The following NEBL variants were observed in gnomAD, a reference collection of about 807,000 sequenced individuals.
NEBL encodes nebulette.
Under a neutral mutation model 140.2 loss-of-function variants are expected in NEBL, and 122 were observed. The ratio of observed to expected loss-of-function variants is 0.87; its 90% CI spans 0.75 to 1.01. The LOEUF (loss-of-function observed/expected upper bound fraction) is 1.01. NEBL is among the 50% of genes least tolerant of loss of function. The pLI is 0.00. For synonymous variants in NEBL, 436 were observed against 398.9 expected, an observed-to-expected ratio of 1.09 and a Z score of -1.11; for missense variants, 1,365 against 1,231.3, an observed-to-expected ratio of 1.11 and a Z score of -1.62.
At chr10:21,267,483 C>T (rs1439155426) in intron 1 of NEBL, among the ~76,000 whole-genome samples, 1 of 152,306 alleles carries the variant, frequency 6.6e-6, no homozygotes, top group East Asian at 1.9e-4. Flanking sequence ...TTCTTCCCAC[C>T]CTCGTTGTGG....
intron 2 of NEBL, among the ~76,000 whole-genome samples, chr10:21,127,211 C>T (rs1259486150): frequency 6.6e-6 from 1 of 151,894 alleles, no homozygotes; most frequent in Non-Finnish European, 1.5e-5. Context: ...GGATCAATAA[C>T]AGAAAATAAT....
At chr10:21,188,727 G>A (rs1841521588) in intron 3 of NEBL, among the ~76,000 whole-genome samples, 1 of 151,304 alleles carries the variant, frequency 6.6e-6, no homozygotes, top group African/African-American at 2.4e-5. Context: ...CAGCCTCCCG[G>A]GTACAGGCCC....
chr10:21,202,486 CAG>C (rs1171793324), intron 3 of NEBL, among the ~76,000 whole-genome samples: 1 of 75,588 alleles, frequency 1.3e-5, no homozygotes, highest in Non-Finnish European at 2.4e-5. Flanking sequence ...TTTTTTGAAA[CAG>C]AGTCTTGCTC....
intron 2 of NEBL, among the ~76,000 whole-genome samples, chr10:21,020,868 A>G (rs1312240720): frequency 6.6e-6 from 1 of 151,936 alleles, no homozygotes; most frequent in Non-Finnish European, 1.5e-5. Flanking sequence ...TTCTCAGTCT[A>G]CACCATCACC....
intron 4 of NEBL, among the ~76,000 whole-genome samples, chr10:20,939,930 T>A (rs989473221): frequency 6.6e-6 from 1 of 152,006 alleles, no homozygotes; most frequent in Non-Finnish European, 1.5e-5. Flanking sequence ...CCCAGATTCA[T>A]AAAGCAAGTC....
At chr10:20,963,683 C>G (rs931816380) in intron 3 of NEBL, among the ~76,000 whole-genome samples, 1 of 152,164 alleles carries the variant, frequency 6.6e-6, no homozygotes, top group African/African-American at 2.4e-5. Context: ...GTATCAGCCA[C>G]CACCACACCC....
intron 2 of NEBL, among the ~76,000 whole-genome samples, chr10:21,068,043 T>C (rs1472496902): frequency 6.6e-6 from 1 of 152,186 alleles, no homozygotes; most frequent in Non-Finnish European, 1.5e-5. Context: ...GGAACTCAAA[T>C]GGAAGTTGAA....
At chr10:20,854,934 C>G (rs1012699629) in intron 9 of NEBL, among the ~76,000 whole-genome samples, 3 of 152,042 alleles carry the variant, frequency 2.0e-5, no homozygotes, top group South Asian at 2.1e-4. Flanking sequence ...TTTAAAAAAG[C>G]CTTTTTTTGG....
rs868033463 is a variant in NEBL at position 21,273,188 on chromosome 10, C to T, written n.182+19642G>A. Among the ~76,000 whole-genome samples, 25 of 152,122 alleles carry T rather than the reference C, an allele frequency of 1.6e-4. 1 individual carries two copies. The highest frequency in any genetic ancestry group is 3.4e-3 in the Middle Eastern group (1 of 292). ...GGCAGTTTGTGGGGAGGTGAGAGTT[C>T]CCTCTCGCCCCTCTCATATCTGCTC... On this transcript the variant is annotated intron_variant and non_coding_transcript_variant, in intron 1 of 8. Coordinates refer to the NEBL transcript ENST00000675702.
chr10:21,291,176 T>A (rs1007444559), intron 1 of NEBL, among the ~76,000 whole-genome samples: 13 of 138,020 alleles, frequency 9.4e-5, no homozygotes, highest in African/African-American at 3.6e-4. Context: ...AAGAAAGGAG[T>A]GCAATGGGGG....
chr10:20,870,543 T>C (rs1006560507), intron 5 of NEBL, among the ~76,000 whole-genome samples: 2 of 152,108 alleles, frequency 1.3e-5, no homozygotes, highest in Non-Finnish European at 2.9e-5. Flanking sequence ...GGGTGCAAGA[T>C]AAGCCCAAGC....
At chr10:21,271,439 A>C (rs1223243231) in intron 1 of NEBL, among the ~76,000 whole-genome samples, 4 of 152,186 alleles carry the variant, frequency 2.6e-5, no homozygotes, top group Non-Finnish European at 5.9e-5. Flanking sequence ...CAAGATTAAC[A>C]TATTCCGGGT....
At chr10:21,017,720 A>G (rs565687808) in intron 3 of NEBL, among the ~76,000 whole-genome samples, 105 of 152,208 alleles carry the variant, frequency 6.9e-4, no homozygotes, top group African/African-American at 2.3e-3. Flanking sequence ...GAAAGGGAGG[A>G]GACAGTGGTT....
At chr10:20,847,163 T>C (rs923100711) in intron 11 of NEBL, among the ~76,000 whole-genome samples, 1 of 152,190 alleles carries the variant, frequency 6.6e-6, no homozygotes, top group Non-Finnish European at 1.5e-5. Flanking sequence ...TCATCAGTCC[T>C]ATATTTAAAA....
intron 2 of NEBL, among the ~76,000 whole-genome samples, chr10:21,076,328 C>T (rs962606680): frequency 6.6e-6 from 1 of 151,248 alleles, no homozygotes; most frequent in African/African-American, 2.4e-5. Flanking sequence ...ACCTGTAATC[C>T]CAGCTACTCA....
intron 9 of NEBL, 119 bp from the exon 10 acceptor site, chr10:20,852,768 C>G: frequency 2.3e-6 from 2 of 888,798 alleles, no homozygotes; most frequent in Non-Finnish European, 3.6e-6. Context: ...GTTGCCAAGT[C>G]CCCATCTGCA....
chr10:21,290,978 G>A (rs1843134460), intron 1 of NEBL, among the ~76,000 whole-genome samples: 1 of 152,148 alleles, frequency 6.6e-6, no homozygotes, highest in African/African-American at 2.4e-5. Flanking sequence ...AACCTTCAGA[G>A]GGGAAGGGAA....
At chr10:20,825,293 C>T (rs765500533) in intron 18 of NEBL, among the ~76,000 whole-genome samples, 3 of 151,970 alleles carry the variant, frequency 2.0e-5, no homozygotes, top group Non-Finnish European at 4.4e-5. Context: ...GTGCTCTTTC[C>T]AAGGATAAGG....
At position 21,197,763 on chromosome 10, in the gene NEBL, A is replaced by G. The variant is rs567989361; in HGVS notation, n.349-25286T>C. 1.2e-3 allele frequency among the ~76,000 whole-genome samples: 185 copies of G among 152,312 alleles called. 1 individual carries two copies. Among genetic ancestry groups the G allele is most frequent in the African/African-American group, 4.2e-3 (176 of 41,576 alleles). On this transcript the variant is annotated intron_variant and non_coding_transcript_variant, in intron 3 of 8. Transcript: ENST00000675702. Reference sequence around the variant, plus strand: ...GAATGTTAAGTTTTCCCTTTGAGATATTCTTCCAGGTCCTACATACCAGTG... The same window carrying G: ...GAATGTTAAGTTTTCCCTTTGAGATGTTCTTCCAGGTCCTACATACCAGTG...
Sources: allele counts gnomAD v4.1 joint callset (sites outside exome capture counted in the v4.1 genomes callset), GRCh38; gene constraint gnomAD v4.1.1; transcripts MANE v1.5; gene names NCBI Gene and HGNC (gene_info 2026-07-23, HGNC 2026-07-21).